The following GNG2 variants were observed in gnomAD, a reference collection of about 807,000 sequenced individuals.
The protein encoded by GNG2 is G protein subunit gamma 2.
In GNG2, 5 loss-of-function variants were observed where a neutral mutation model predicts 5.5. That is an observed-to-expected ratio of 0.91 (90% CI 0.48 to 1.92). The LOEUF (loss-of-function observed/expected upper bound fraction) is 1.92, where lower values mean the gene tolerates loss of function less well. Ranked by LOEUF, GNG2 falls within the 30% of genes most tolerant of loss-of-function variation. The pLI, the probability that GNG2 is intolerant of heterozygous loss-of-function variation, is 0.01. For missense variants in GNG2, 55 were observed against 88.4 expected (o/e 0.62, Z 1.52); for synonymous variants, 28 against 32.0 (o/e 0.88, Z 0.42).
At chr14:51,899,716 G>A (rs999856345) in intron 2 of GNG2, among the ~76,000 whole-genome samples, 2 of 152,160 alleles carry the variant, frequency 1.3e-5, no homozygotes, top group African/African-American at 2.4e-5. Flanking sequence ...TCTGCTTTCT[G>A]TCTCTATGAA....
rs1417953266 is a variant in GNG2 at position 51,967,342 on chromosome 14, C to T, written c.*655C>T. On this transcript the variant is annotated 3_prime_UTR_variant, in exon 4 of 4. Transcript: ENST00000556766. ...ACAAAAAATGCCGGTTGTCTGTGTT[C>T]TCTTTTCACTATTCCTAACATGTGT... The T allele has an allele frequency of 1.3e-5, 2 of 152,164 alleles. No homozygotes were observed. Among genetic ancestry groups the T allele is most frequent in the African/African-American group, 4.8e-5 (2 of 41,434 alleles). The allele number at this position is 152,164 out of a possible 1,614,324, so 9.4% of individuals were successfully genotyped here. A position where few individuals can be genotyped will look rare whatever the true frequency, so the allele number is the denominator to read the frequency against.
intron 2 of GNG2, among the ~76,000 whole-genome samples, chr14:51,833,438 A>AGTTCTC (rs1881250437): frequency 6.6e-6 from 1 of 152,170 alleles, no homozygotes; most frequent in Non-Finnish European, 1.5e-5. Flanking sequence ...GCAACCCATT[A>AGTTCTC]TCTTTTCAGG....
intron 2 of GNG2, among the ~76,000 whole-genome samples, chr14:51,928,584 G>A (rs545901421): frequency 6.6e-6 from 1 of 152,230 alleles, no homozygotes; most frequent in African/African-American, 2.4e-5. Flanking sequence ...AGCTCCTGTG[G>A]CAAACGGATT....
upstream of GNG2, among the ~76,000 whole-genome samples, chr14:51,856,624 G>A (rs957648187): frequency 6.6e-6 from 1 of 152,104 alleles, no homozygotes; most frequent in Non-Finnish European, 1.5e-5. Context: ...GTAGAGATGG[G>A]GTTTCACTGT....
At chr14:51,882,580 G>A (rs1488679375) in intron 2 of GNG2, among the ~76,000 whole-genome samples, 2 of 152,192 alleles carry the variant, frequency 1.3e-5, no homozygotes, top group Non-Finnish European at 2.9e-5. Flanking sequence ...TTGTTACTAC[G>A]TTGTAGACTG....
At chr14:51,866,835 G>A (rs905037605) in intron 1 of GNG2, among the ~76,000 whole-genome samples, 2 of 152,124 alleles carry the variant, frequency 1.3e-5, no homozygotes, top group Non-Finnish European at 2.9e-5. Flanking sequence ...GTATGTAGGG[G>A]GACAGAAAGA....
chr14:51,855,438 G>A (rs1882112299), upstream of GNG2, among the ~76,000 whole-genome samples: 1 of 152,226 alleles, frequency 6.6e-6, no homozygotes, highest in South Asian at 2.1e-4. Flanking sequence ...CTTAGGCTCA[G>A]ATGTCTGGAG....
At chr14:51,913,905 G>A (rs1594907977) in intron 2 of GNG2, among the ~76,000 whole-genome samples, 1 of 152,106 alleles carries the variant, frequency 6.6e-6, no homozygotes, top group African/African-American at 2.4e-5. Flanking sequence ...CATATATAAT[G>A]TATGCATAAA....
chr14:51,949,711 T>C (rs959960779), intron 2 of GNG2, among the ~76,000 whole-genome samples: 4 of 152,184 alleles, frequency 2.6e-5, no homozygotes, highest in African/African-American at 7.2e-5. Context: ...TAAAATTGCA[T>C]ATGACACCTT....
At chr14:51,843,567 A>G (rs530504410) in intron 2 of GNG2, among the ~76,000 whole-genome samples, 34 of 84,382 alleles carry the variant, frequency 4.0e-4, no homozygotes, top group African/African-American at 1.3e-3. Flanking sequence ...CGCATCCCAG[A>G]ACTTAAAGTT....
intron 2 of GNG2, among the ~76,000 whole-genome samples, chr14:51,930,139 T>C (rs1280626093): frequency 6.6e-6 from 1 of 152,212 alleles, no homozygotes; most frequent in East Asian, 1.9e-4. Flanking sequence ...GTCTTCCAAT[T>C]CCTTTGTGTG....
chr14:51,939,447 A>G (rs1029419297), intron 2 of GNG2, among the ~76,000 whole-genome samples: 10 of 152,324 alleles, frequency 6.6e-5, no homozygotes, highest in Admixed American at 5.9e-4. Flanking sequence ...CCAGCAGTTT[A>G]CTGGAAAGCA....
At chr14:51,908,386 T>TCATCTTG (rs1270268869) in intron 2 of GNG2, among the ~76,000 whole-genome samples, 2 of 152,216 alleles carry the variant, frequency 1.3e-5, no homozygotes, top group African/African-American at 2.4e-5. Context: ...TTATTGCAGG[T>TCATCTTG]CATCTTGGAG....
At chr14:51,836,924 C>T (rs555633877) in intron 2 of GNG2, among the ~76,000 whole-genome samples, 1 of 142,128 alleles carries the variant, frequency 7.0e-6, no homozygotes, top group South Asian at 2.2e-4. Context: ...GTGGCATGAT[C>T]TCGGCTCATT....
intron 2 of GNG2, among the ~76,000 whole-genome samples, chr14:51,834,462 A>T (rs1326877807): frequency 6.6e-6 from 1 of 152,180 alleles, no homozygotes; most frequent in Non-Finnish European, 1.5e-5. Flanking sequence ...CAGCTGGGAG[A>T]CAAGTGTCAA....
chr14:51,955,128 C>T (rs1889206088), intron 3 of GNG2, among the ~76,000 whole-genome samples: 1 of 152,096 alleles, frequency 6.6e-6, no homozygotes, highest in Admixed American at 6.5e-5. Context: ...AAAATGATTG[C>T]TTCTTAACTA....
intron 2 of GNG2, among the ~76,000 whole-genome samples, chr14:51,846,424 AAAGCAGCT>A (rs767255704): frequency 2.0e-5 from 3 of 152,224 alleles, no homozygotes; most frequent in Non-Finnish European, 2.9e-5. Context: ...AAAAGACAGG[AAAGCAGCT>A]AAATTTGTTG....
chr14:51,831,204 ACCT>A lies in GNG2; in HGVS notation c.64+3407_64+3409del, dbSNP rs543657914. On this transcript the variant is annotated intron_variant, in intron 2 of 3. Transcript: ENST00000553432. ...GCCCCTGCGTTTAATATTACTATAA[ACCT>A]CCTCCTCCTTTGTGTTAGCACATTC... 6.2e-3 allele frequency among the ~76,000 whole-genome samples: 943 copies of A among 152,024 alleles called. 7 individuals carry two copies. Among genetic ancestry groups the A allele is most frequent in the Non-Finnish European group, 0.011 (728 of 67,996 alleles).
chr14:51,842,375 C>T (rs371150802), intron 2 of GNG2, among the ~76,000 whole-genome samples: 1 of 152,296 alleles, frequency 6.6e-6, no homozygotes, highest in Middle Eastern at 3.4e-3. Context: ...TTTGTTTCTT[C>T]TTTCTACAGC....
Sources: allele counts gnomAD v4.1 joint callset (sites outside exome capture counted in the v4.1 genomes callset), GRCh38; gene constraint gnomAD v4.1.1; transcripts MANE v1.5; gene names NCBI Gene and HGNC (gene_info 2026-07-23, HGNC 2026-07-21).